Variants in SDK1 observed in about 807,000 individuals in gnomAD.
The protein encoded by SDK1 is sidekick cell adhesion molecule 1.
SDK1 carries 157 observed loss-of-function variants against 245.5 expected under a neutral mutation model. That is an observed-to-expected ratio of 0.64 (90% CI 0.56 to 0.73). SDK1 has a LOEUF of 0.73. Ranked by LOEUF, SDK1 falls within the 30% of genes least tolerant of loss-of-function variation. SDK1 has a pLI of 0.00. For synonymous variants in SDK1, 1,647 were observed against 1,278.5 expected (o/e 1.29, Z -6.15); for missense variants, 3,583 against 3,002.3 (o/e 1.19, Z -4.52).
intron 5 of SDK1, among the ~76,000 whole-genome samples, chr7:3,921,836 C>T (rs1214006683): frequency 1.3e-5 from 2 of 152,040 alleles, no homozygotes; most frequent in Non-Finnish European, 2.9e-5. Context: ...CATGGTGGTG[C>T]GTGCCTGTGG....
chr7:3,775,693 C>T (rs1213054391), intron 4 of SDK1, among the ~76,000 whole-genome samples: 1 of 151,896 alleles, frequency 6.6e-6, no homozygotes, highest in Non-Finnish European at 1.5e-5. Flanking sequence ...TCTCCTGCCT[C>T]AGCCTCCCGA....
At chr7:4,048,295 G>A (rs1287899802) in intron 17 of SDK1, among the ~76,000 whole-genome samples, 2 of 152,152 alleles carry the variant, frequency 1.3e-5, no homozygotes, top group South Asian at 2.1e-4. Flanking sequence ...CCTTGATGGT[G>A]CAGCCGGAGG....
chr7:4,096,558 C>T (rs12537309), intron 22 of SDK1, among the ~76,000 whole-genome samples: 2 of 152,104 alleles, frequency 1.3e-5, no homozygotes, highest in Admixed American at 6.5e-5. Flanking sequence ...GTTCATTTAA[C>T]GCTTTAGCAT....
chr7:3,302,109 T>C, intron 1 of SDK1: 1 of 225,056 alleles, frequency 4.4e-6, no homozygotes, highest in Non-Finnish European at 7.9e-6. Context: ...GCGTTTTATT[T>C]TTTTTATACC....
chr7:3,978,138 C>T (rs1334070818), intron 13 of SDK1, among the ~76,000 whole-genome samples: 2 of 151,858 alleles, frequency 1.3e-5, no homozygotes, highest in Non-Finnish European at 2.9e-5. Context: ...CAGTGAGTTC[C>T]TAGGAGCTGT....
rs1241394124 is a variant in SDK1, at chr7:4,267,121, C to A, written c.*1737C>A. ...GGAGAGTTTTGTATAGGCTGGAAAA[C>A]CCCTTTTCAGTCTTTCCAAAATTAG... On this transcript the variant is annotated 3_prime_UTR_variant, in exon 45 of 45. Transcript: ENST00000404826. 9.1e-6 allele frequency: 9 copies of A among 985,174 alleles called. No individual in the cohort carries two copies. The highest frequency in any genetic ancestry group is 9.6e-6 in the Non-Finnish European group (8 of 829,924). 61.0% of individuals were successfully genotyped at this position (985,174 alleles called of 1,614,324 possible).
At chr7:3,479,158 C>T (rs148337169) in intron 1 of SDK1, among the ~76,000 whole-genome samples, 2 of 152,136 alleles carry the variant, frequency 1.3e-5, no homozygotes, top group South Asian at 4.1e-4. Flanking sequence ...GCAGCTCACA[C>T]CTGTTGTAAT....
chr7:3,354,284 C>G (rs998407908), intron 1 of SDK1, among the ~76,000 whole-genome samples: 8 of 151,624 alleles, frequency 5.3e-5, no homozygotes, highest in Non-Finnish European at 4.4e-5. Context: ...AGCGCCTGGC[C>G]TGACCATTTT....
At chr7:3,650,675 T>C (rs1782985132) in intron 4 of SDK1, among the ~76,000 whole-genome samples, 1 of 152,208 alleles carries the variant, frequency 6.6e-6, no homozygotes, top group Non-Finnish European at 1.5e-5. Context: ...ATTTCTCTTA[T>C]TAACCTTTTA....
intron 4 of SDK1, among the ~76,000 whole-genome samples, chr7:3,644,195 T>A (rs146899952): frequency 2.7e-4 from 41 of 150,612 alleles, no homozygotes; most frequent in African/African-American, 9.5e-4. Context: ...AGCCACCACT[T>A]AAGCTTATTT....
chr7:3,930,293 C>T (rs1779928805), intron 5 of SDK1, among the ~76,000 whole-genome samples: 1 of 152,206 alleles, frequency 6.6e-6, no homozygotes, highest in African/African-American at 2.4e-5. Flanking sequence ...TAACTCAGAA[C>T]TAGACTCCCA....
intron 11 of SDK1, among the ~76,000 whole-genome samples, chr7:3,970,349 A>C (rs1782390044): frequency 6.6e-6 from 1 of 152,200 alleles, no homozygotes; most frequent in Non-Finnish European, 1.5e-5. Flanking sequence ...TAATTTGTAA[A>C]ATGATCATGC....
rs562904254 is a variant in SDK1, at chr7:3,418,234, T to C, written c.298+116350T>C. 2.6e-5 allele frequency among the ~76,000 whole-genome samples: 4 copies of C among 151,568 alleles called. No homozygotes were observed. In the East Asian group the frequency reaches 7.7e-4, roughly 29 times the overall value. On this transcript the variant is annotated intron_variant, in intron 1 of 44. Transcript: ENST00000404826. Reference sequence around the variant, plus strand: ...TGGGAGGCTGAGGCAGGAGAATTGCTTGAGCCCGGGAGGCGGAGGTTGCAG... The same window carrying C: ...TGGGAGGCTGAGGCAGGAGAATTGCCTGAGCCCGGGAGGCGGAGGTTGCAG...
intron 4 of SDK1, among the ~76,000 whole-genome samples, chr7:3,809,977 C>A (rs1342452049): frequency 6.6e-6 from 1 of 152,204 alleles, no homozygotes; most frequent in Non-Finnish European, 1.5e-5. Context: ...CACCGACAGC[C>A]ATGCACAGTC....
intron 19 of SDK1, among the ~76,000 whole-genome samples, chr7:4,056,644 A>G (rs1048446713): frequency 2.0e-5 from 3 of 152,080 alleles, no homozygotes; most frequent in East Asian, 1.9e-4. Context: ...AAGCCCCTCA[A>G]AACTCACAGG....
intron 1 of SDK1, among the ~76,000 whole-genome samples, chr7:3,506,567 C>T (rs971566158): frequency 1.3e-5 from 2 of 152,148 alleles, no homozygotes; most frequent in African/African-American, 4.8e-5. Context: ...ACTTTGATGA[C>T]ATGCATATTA....
intron 12 of SDK1, among the ~76,000 whole-genome samples, chr7:3,973,985 T>C: frequency 6.6e-6 from 1 of 151,956 alleles, no homozygotes; most frequent in East Asian, 1.9e-4. Flanking sequence ...AGTTTGAGAC[T>C]AGCCTGGGCC....
intron 4 of SDK1, among the ~76,000 whole-genome samples, chr7:3,759,519 T>TA (rs1164029509): frequency 6.6e-6 from 1 of 152,026 alleles, no homozygotes; most frequent in Non-Finnish European, 1.5e-5. Context: ...GTCCTTGAAA[T>TA]ACGCTTTTAT....
At chr7:3,484,316 G>T (rs1403926124) in intron 1 of SDK1, among the ~76,000 whole-genome samples, 1 of 151,986 alleles carries the variant, frequency 6.6e-6, no homozygotes, top group Non-Finnish European at 1.5e-5. Context: ...AACATAGATC[G>T]AAAATACATA....
Sources: gnomAD v4.1 joint callset for allele counts (sites outside exome capture counted in the v4.1 genomes callset) on GRCh38, gnomAD v4.1.1 for gene constraint, MANE v1.5 for transcripts, NCBI Gene and HGNC (gene_info 2026-07-23, HGNC 2026-07-21) for gene names.